RBFOX1: variants seen among roughly 807,000 people sequenced by gnomAD.
RBFOX1 encodes the protein RNA binding fox-1 homolog 1, also known as RNA binding protein fox-1 homolog 1.
RBFOX1 carries 8 observed loss-of-function variants against 57.7 expected under a neutral mutation model. That is an observed-to-expected ratio of 0.14 (90% CI 0.08 to 0.25). RBFOX1 has a LOEUF of 0.25. Among genes scored for constraint, RBFOX1 ranks in the 10% least tolerant of loss-of-function variants. RBFOX1 has a pLI of 1.00. For synonymous variants in RBFOX1, 326 were observed against 222.4 expected, an observed-to-expected ratio of 1.47 and a Z score of -4.15; for missense variants, 611 against 548.5, an observed-to-expected ratio of 1.11 and a Z score of -1.14.
chr16:7,569,854 C>G (rs879358886), intron 5 of RBFOX1, among the ~76,000 whole-genome samples: 3 of 151,958 alleles, frequency 2.0e-5, no homozygotes, highest in Non-Finnish European at 2.9e-5. Context: ...GTGAGCGCCT[C>G]TGTCTCCAAA....
intron 3 of RBFOX1, among the ~76,000 whole-genome samples, chr16:7,021,143 T>C (rs1261854699): frequency 6.6e-6 from 1 of 151,992 alleles, no homozygotes; most frequent in Non-Finnish European, 1.5e-5. Context: ...AATTGTTTTT[T>C]GTTGAATAAA....
intron 3 of RBFOX1, among the ~76,000 whole-genome samples, chr16:5,629,411 C>A (rs180922145): frequency 7.2e-5 from 11 of 152,314 alleles, no homozygotes; most frequent in African/African-American, 2.6e-4. Flanking sequence ...TGGTATAAAT[C>A]CTTTGTGTCT....
At chr16:6,862,610 A>G (rs969561589) in intron 3 of RBFOX1, among the ~76,000 whole-genome samples, 2 of 152,226 alleles carry the variant, frequency 1.3e-5, no homozygotes, top group African/African-American at 4.8e-5. Flanking sequence ...AGAGGAAGTG[A>G]CATGAATGAA....
chr16:6,207,459 C>G (rs909408032), intron 1 of RBFOX1, among the ~76,000 whole-genome samples: 2 of 152,204 alleles, frequency 1.3e-5, no homozygotes, highest in Non-Finnish European at 2.9e-5. Flanking sequence ...TGATGAAAAT[C>G]AAGGTGGTTT....
intron 3 of RBFOX1, among the ~76,000 whole-genome samples, chr16:5,797,584 T>A (rs1189910017): frequency 6.6e-6 from 1 of 152,208 alleles, no homozygotes; most frequent in South Asian, 2.1e-4. Context: ...AGCCCTAAGC[T>A]GATGCAGACA....
chr16:5,315,053 AC>A (rs1225294935), intron 1 of RBFOX1, among the ~76,000 whole-genome samples: 1 of 152,138 alleles, frequency 6.6e-6, no homozygotes, highest in African/African-American at 2.4e-5. Flanking sequence ...GTTCAGAGGA[AC>A]CAGTTTATCT....
intron 4 of RBFOX1, among the ~76,000 whole-genome samples, chr16:7,330,966 G>A (rs955701963): frequency 6.6e-6 from 1 of 152,124 alleles, no homozygotes; most frequent in Non-Finnish European, 1.5e-5. Context: ...TCGGGCTGTT[G>A]AGTAAGAGGG....
intron 7 of RBFOX1, among the ~76,000 whole-genome samples, chr16:7,591,154 A>G (rs536893615): frequency 5.3e-5 from 8 of 152,234 alleles, no homozygotes; most frequent in Admixed American, 4.6e-4. Context: ...GTTGCGTAAG[A>G]ATTTCCCAGG....
At chr16:5,310,493 C>T (rs2064057571) in intron 1 of RBFOX1, among the ~76,000 whole-genome samples, 2 of 152,098 alleles carry the variant, frequency 1.3e-5, no homozygotes, top group Admixed American at 6.5e-5. Flanking sequence ...GCACAGTATT[C>T]AGCATTTCTG....
At chr16:6,969,908 C>T (rs975788340) in intron 3 of RBFOX1, among the ~76,000 whole-genome samples, 1 of 152,108 alleles carries the variant, frequency 6.6e-6, no homozygotes, top group Non-Finnish European at 1.5e-5. Context: ...GAGACTCTTT[C>T]AGTAGTCTGT....
intron 2 of RBFOX1, among the ~76,000 whole-genome samples, chr16:6,502,811 G>A (rs1289478073): frequency 6.6e-6 from 1 of 152,044 alleles, no homozygotes; most frequent in Non-Finnish European, 1.5e-5. Flanking sequence ...CTTCTTTCTT[G>A]GCATTCTATT....
chr16:6,242,968 G>A lies in RBFOX1; in HGVS notation c.-126-74027G>A, dbSNP rs147805237. Among the ~76,000 whole-genome samples the A allele has an allele frequency of 1.3e-3, 200 of 152,150 alleles. 1 individual carries two copies. The highest frequency in any genetic ancestry group is 4.7e-3 in the African/African-American group (195 of 41,510). On this transcript the variant is annotated intron_variant, in intron 1 of 15. Transcript: ENST00000550418. ...TTGAAGAAATATATGTCCTTGTTTT[G>A]TTTTCTTTCTAGAGAAAAAGCCAGG...
At position 7,083,470 on chromosome 16, in the gene RBFOX1, GA is replaced by G. The variant is rs777267316; in HGVS notation, c.27+31375del. 5.3e-4 allele frequency among the ~76,000 whole-genome samples: 80 copies of G among 151,938 alleles called. 2 individuals are homozygous for G. The highest frequency in any genetic ancestry group is 2.6e-4 in the Admixed American group (4 of 15,252). On this transcript the variant is annotated intron_variant, in intron 4 of 15. Transcript: ENST00000550418. ...CTTAAGATTAAATATAAAAAAACAAGAAATGACACATACCAATCCACTGGTG... is the reference window on the plus strand; with the variant it reads ...CTTAAGATTAAATATAAAAAAACAAGAATGACACATACCAATCCACTGGTG...
At chr16:5,315,581 A>G (rs1256629071) in intron 1 of RBFOX1, among the ~76,000 whole-genome samples, 1 of 152,226 alleles carries the variant, frequency 6.6e-6, no homozygotes, top group Non-Finnish European at 1.5e-5. Flanking sequence ...GGCAGGGGAC[A>G]AGAATCACAA....
At chr16:6,120,202 C>A (rs771802415) in intron 1 of RBFOX1, among the ~76,000 whole-genome samples, 2 of 152,154 alleles carry the variant, frequency 1.3e-5, no homozygotes, top group Non-Finnish European at 2.9e-5. Context: ...GCGTTGTTTT[C>A]ATTATTTCCT....
intron 4 of RBFOX1, among the ~76,000 whole-genome samples, chr16:7,316,967 CACACACACACACACACACAA>C (rs1224482354): frequency 6.7e-6 from 1 of 150,358 alleles, no homozygotes; most frequent in Non-Finnish European, 1.5e-5. Context: ...AGACAGAACA[CACACACACACACACACACAA>C]ACACACACAC....
intron 2 of RBFOX1, among the ~76,000 whole-genome samples, chr16:6,453,515 G>T (rs900540732): frequency 3.3e-5 from 5 of 152,072 alleles, no homozygotes; most frequent in South Asian, 4.1e-4. Flanking sequence ...CCAATAACAA[G>T]TTCTGAAATT....
chr16:7,093,908 G>C (rs1299492809), intron 4 of RBFOX1, among the ~76,000 whole-genome samples: 1 of 151,906 alleles, frequency 6.6e-6, no homozygotes, highest in East Asian at 1.9e-4. Flanking sequence ...TGTGTTTAAA[G>C]ATTCTTGGAA....
chr16:7,552,828 T>C (rs903006975), intron 5 of RBFOX1, among the ~76,000 whole-genome samples: 2 of 152,148 alleles, frequency 1.3e-5, no homozygotes, highest in African/African-American at 4.8e-5. Context: ...GATTACAGTT[T>C]CCTGCCACAA....
Sources: allele counts gnomAD v4.1 joint callset (sites outside exome capture counted in the v4.1 genomes callset), GRCh38; gene constraint gnomAD v4.1.1; transcripts MANE v1.5; gene names NCBI Gene and HGNC (gene_info 2026-07-23, HGNC 2026-07-21).